The following IFT140 variants were observed in gnomAD, a reference collection of about 807,000 sequenced individuals.
IFT140 encodes the protein intraflagellar transport 140.
In IFT140, 133 loss-of-function variants were observed where a neutral mutation model predicts 164.6. The ratio of observed to expected loss-of-function variants is 0.81; its 90% CI spans 0.70 to 0.93. The LOEUF is 0.93. IFT140 is among the 40% of genes least tolerant of loss of function. The probability of loss-of-function intolerance (pLI) is 0.00; values close to 1 mark genes in which losing one functional copy is unlikely to be tolerated. For synonymous variants in IFT140, 860 were observed against 817.3 expected (o/e 1.05, Z -0.89); for missense variants, 2,045 against 1,972.3 (o/e 1.04, Z -0.70).
At chr16:1,568,374 C>T (rs1253813855) in intron 14 of IFT140, 40 bp from the exon 15 acceptor site, 3 of 1,508,246 alleles carry the variant, frequency 2.0e-6, no homozygotes, top group Non-Finnish European at 2.8e-6. Flanking sequence ...CGCCAGAGGC[C>T]CAGTTCCCAA....
In IFT140 at chr16:1,553,896, T is replaced by C. The variant is rs2032880279; in HGVS notation, c.2399+4039A>G. On this transcript the variant is annotated intron_variant, in intron 19 of 30. Coordinates refer to ENST00000426508, the MANE Select transcript of IFT140 (RefSeq NM_014714.4). The surrounding 1 kb of genome is among the most constrained non-coding windows in gnomAD (Gnocchi z 4.4). ...TCTAGTCACGAAACCCTGATTTTCCTGTTGTAAGAACTAAAAAGGTCTTTG... is the reference window on the plus strand; with the variant it reads ...TCTAGTCACGAAACCCTGATTTTCCCGTTGTAAGAACTAAAAAGGTCTTTG... The C allele has an allele frequency of 7.9e-7, 1 of 1,267,212 alleles. No individual in the cohort carries two copies. The highest frequency in any genetic ancestry group is 1.3e-5 in the South Asian group (1 of 79,688). 78.5% of individuals were successfully genotyped at this position (1,267,212 alleles called of 1,614,324 possible).
rs1264860860 is a variant in IFT140, at chr16:1,523,644, G to A, written c.3327C>T (p.Ala1109=). The change falls in exon 26 of 31, where the codon GCC becomes GCT. Residue 1109 remains alanine (A), a synonymous_variant. Coordinates refer to ENST00000426508, the MANE Select transcript of IFT140 (RefSeq NM_014714.4). The part of the protein sequence containing the change: ...ELAFATQQFV[A]LQLIAEDLDE... ...CCAGGTCCTCTGCTATGAGCTGTAG[G>A]GCCACAAACTGCTGGGTGGCAAAGG... 37 of 1,613,798 alleles carry A rather than the reference G, an allele frequency of 2.3e-5. No individual in the cohort carries two copies. The highest frequency in any genetic ancestry group is 3.1e-5 in the Non-Finnish European group (37 of 1,180,018).
At chr16:1,546,980 A>G (rs1415466548) in intron 19 of IFT140, among the ~76,000 whole-genome samples, 1 of 152,188 alleles carries the variant, frequency 6.6e-6, no homozygotes, top group Non-Finnish European at 1.5e-5. Context: ...CGGTGCTCAC[A>G]TGACACTCTC....
At chr16:1,560,917 T>C (rs796067015) in intron 18 of IFT140, among the ~76,000 whole-genome samples, 38 of 152,216 alleles carry the variant, frequency 2.5e-4, no homozygotes, top group African/African-American at 9.2e-4. Context: ...GCTGACGGAG[T>C]GTGTAACAGG....
At chr16:1,592,357 A>G (rs757820405) in intron 5 of IFT140, 39 bp from the exon 6 acceptor site, 21 of 1,613,182 alleles carry the variant, frequency 1.3e-5, no homozygotes, top group Non-Finnish European at 1.8e-5. Flanking sequence ...TTCTTCTGCC[A>G]CTCCTACAGC....
chr16:1,535,976 C>A (rs1238549779), intron 19 of IFT140, among the ~76,000 whole-genome samples: 1 of 152,252 alleles, frequency 6.6e-6, no homozygotes, highest in African/African-American at 2.4e-5. Flanking sequence ...GAAGAAGGAG[C>A]CGCAGCCCCG....
chr16:1,560,508 T>A (rs2033346474), intron 18 of IFT140, among the ~76,000 whole-genome samples: 2 of 152,210 alleles, frequency 1.3e-5, no homozygotes, highest in African/African-American at 4.8e-5. Flanking sequence ...ACCACCACCG[T>A]GTCCTTTATG....
At chr16:1,568,395 A>C in intron 14 of IFT140, 61 bp from the exon 15 acceptor site, 1 of 1,314,492 alleles carries the variant, frequency 7.6e-7, no homozygotes, top group Non-Finnish European at 1.1e-6. Context: ...TTCTCCGCCC[A>C]CCCTGAAACC....
At chr16:1,514,979 T>C (rs991109918) in intron 30 of IFT140, among the ~76,000 whole-genome samples, 6 of 152,096 alleles carry the variant, frequency 3.9e-5, no homozygotes, top group Admixed American at 6.5e-5. Context: ...TCTAAAAAGA[T>C]TGCTGGAGAG....
chr16:1,569,808 G>A (rs1376401369), intron 14 of IFT140, among the ~76,000 whole-genome samples: 1 of 150,382 alleles, frequency 6.6e-6, no homozygotes, highest in Non-Finnish European at 1.5e-5. Flanking sequence ...GGCTGGTCTT[G>A]AACTCCTGGG....
chr16:1,564,018 T>TTGGGGCTGCCCGTTTGCAGAC lies in IFT140; in HGVS notation c.2025_2045dup (p.Ser676_Gln682dup). On this transcript the variant is annotated inframe_insertion, in exon 17 of 31. Transcript: ENST00000426508. This position sits in a 1 kb window ranked among gnomAD's most constrained non-coding sequence, Gnocchi z 5.5. ...GTACCGCAGGGCCAGCGCGCCCATC[T>TTGGGGCTGCCCGTTTGCAGAC]TGGGGCTGCCCGTTTGCAGACTGAG... The TTGGGGCTGCCCGTTTGCAGAC allele has an allele frequency of 6.3e-7, 1 of 1,591,162 alleles. No homozygotes were observed. Among genetic ancestry groups the TTGGGGCTGCCCGTTTGCAGAC allele is most frequent in the Non-Finnish European group, 8.6e-7 (1 of 1,162,672 alleles).
intron 30 of IFT140, among the ~76,000 whole-genome samples, chr16:1,511,879 G>A (rs946572942): frequency 1.3e-5 from 2 of 151,874 alleles, no homozygotes; most frequent in African/African-American, 4.8e-5. Flanking sequence ...TGCTGTAGTG[G>A]GGAGCCAGGT....
chr16:1,596,281 C>CA (rs767372826), intron 4 of IFT140, among the ~76,000 whole-genome samples: 9 of 152,114 alleles, frequency 5.9e-5, no homozygotes, highest in Non-Finnish European at 8.8e-5. Flanking sequence ...ACCACATCCT[C>CA]AGAGGCATTC....
At chr16:1,544,078 C>T (rs1299622895) in intron 19 of IFT140, among the ~76,000 whole-genome samples, 7 of 149,542 alleles carry the variant, frequency 4.7e-5, no homozygotes, top group Admixed American at 1.3e-4. Context: ...AGTGCAGTGG[C>T]GCAATCTCGG....
Position 1,561,413 on chromosome 16 carries a change from G to A in IFT140, c.2199+572C>T, listed in dbSNP as rs550274475. On this transcript the variant is annotated intron_variant, in intron 18 of 30. Coordinates refer to ENST00000426508, the MANE Select transcript of IFT140 (RefSeq NM_014714.4). ...TACTGATGACGATCCCATTCTCTCA[G>A]TAATTTAAAAACACGTCCATGCATG... Among the ~76,000 whole-genome samples the A allele has an allele frequency of 2.0e-5, 3 of 152,330 alleles. No homozygotes were observed. The South Asian group carries it at 6.2e-4, about 32-fold the overall frequency.
chr16:1,524,574 T>C lies in IFT140; in HGVS notation c.3119A>G (p.Lys1040Arg). 1 of 1,611,338 alleles carries C rather than the reference T, an allele frequency of 6.2e-7. No individual in the cohort carries two copies. Among genetic ancestry groups the C allele is most frequent in the Non-Finnish European group, 8.5e-7 (1 of 1,178,792 alleles). ...VHFYTRAQAF[K>R]NAIRLCKENG... ...TACCTTGCACAGGCGGATGGCATTCTTGAAGGCCTGTGCCCGGGTGTAGAA... is the reference window on the plus strand; with the variant it reads ...TACCTTGCACAGGCGGATGGCATTCCTGAAGGCCTGTGCCCGGGTGTAGAA... Residue 1040 changes from lysine (K) to arginine (R), a missense_variant, in exon 24 of 31, where the codon AAG becomes AGG. Physicochemically the swap from Lys to Arg is conservative, Grantham distance 26. Transcript: ENST00000426508.
intron 13 of IFT140, among the ~76,000 whole-genome samples, chr16:1,573,766 G>T (rs1215310515): frequency 6.6e-6 from 1 of 152,194 alleles, no homozygotes; most frequent in Non-Finnish European, 1.5e-5. Flanking sequence ...CTCTCCTGCG[G>T]CGTCTCCCAC....
Position 1,525,909 on chromosome 16 carries a change from CG to C in IFT140, c.2745del (p.Asp916ThrfsTer34). 1 of 1,554,778 alleles carries C rather than the reference CG, an allele frequency of 6.4e-7. No individual in the cohort carries two copies. The highest frequency in any genetic ancestry group is 8.7e-7 in the Non-Finnish European group (1 of 1,151,292). ...HRYAGHLEAS[A>X]DCSRALSYYE... ...CACTAACTGAGGGCCCGGCTGCAGT[CG>C]GCGCTGGCCTCCAGGTGCCCGGCAT... is the stretch of plus-strand genomic sequence containing the variant. On this transcript the variant is annotated frameshift_variant, in exon 21 of 31. Coordinates refer to ENST00000426508, the MANE Select transcript of IFT140 (RefSeq NM_014714.4). LOFTEE classifies it high-confidence loss of function.
At chr16:1,554,855 C>T in intron 19 of IFT140, 1 of 1,614,220 alleles carries the variant, frequency 6.2e-7, no homozygotes, top group Non-Finnish European at 8.5e-7. Context: ...GGTCCTGCTA[C>T]CTGAACATTG....
Sources: gnomAD v4.1 joint callset for allele counts (sites outside exome capture counted in the v4.1 genomes callset) on GRCh38, gnomAD v4.1.1 for gene constraint, Gnocchi (gnomAD v3.1) non-coding constraint, MANE v1.5 for transcripts, NCBI Gene and HGNC (gene_info 2026-07-23, HGNC 2026-07-21) for gene names.